Variants in SIK3 observed in about 807,000 individuals in gnomAD.
SIK3 encodes the protein SIK family kinase 3.
Under a neutral mutation model 144.2 loss-of-function variants are expected in SIK3, and 28 were observed. The ratio of observed to expected loss-of-function variants is 0.19; its 90% CI spans 0.14 to 0.27. SIK3 has a LOEUF of 0.27. SIK3 is among the 10% of genes least tolerant of loss of function. The pLI is 1.00. For missense variants in SIK3, 1,319 were observed against 1,776.0 expected (o/e 0.74, Z 4.62); for synonymous variants, 686 against 676.3 (o/e 1.01, Z -0.22).
chr11:116,868,292 A>G (rs1019185929), intron 14 of SIK3, among the ~76,000 whole-genome samples: 10 of 152,356 alleles, frequency 6.6e-5, no homozygotes, highest in Admixed American at 5.2e-4. Flanking sequence ...GAAGTGGCTG[A>G]ATTTTGAACC....
chr11:117,056,568 T>C (rs1316048444), intron 1 of SIK3, among the ~76,000 whole-genome samples: 1 of 131,660 alleles, frequency 7.6e-6, no homozygotes, highest in African/African-American at 3.5e-5. Flanking sequence ...GATATAGATA[T>C]AGATATAGAT....
intron 1 of SIK3, among the ~76,000 whole-genome samples, chr11:117,023,615 A>ATATATATATATATATAT (rs1555131677): frequency 9.6e-6 from 1 of 104,004 alleles, no homozygotes; most frequent in Non-Finnish European, 1.8e-5. Flanking sequence ...CAAACAAAAA[A>ATATATATATATATATAT]AAAAAAATAT....
At chr11:117,074,593 T>A (rs963797582) in intron 1 of SIK3, among the ~76,000 whole-genome samples, 17 of 152,220 alleles carry the variant, frequency 1.1e-4, no homozygotes, top group Middle Eastern at 3.2e-3. Flanking sequence ...CATATTTTTT[T>A]AAATCCTCTA....
intron 1 of SIK3, among the ~76,000 whole-genome samples, chr11:117,003,070 C>G (rs1276063822): frequency 1.3e-5 from 2 of 151,842 alleles, no homozygotes; most frequent in Non-Finnish European, 2.9e-5. Context: ...ATAGCCACCA[C>G]CAATAACAAC....
intron 6 of SIK3, among the ~76,000 whole-genome samples, chr11:116,879,602 G>C (rs1160549862): frequency 6.6e-6 from 1 of 152,072 alleles, no homozygotes; most frequent in African/African-American, 2.4e-5. Context: ...GTTGTGAAAA[G>C]AATACTACAA....
At chr11:116,856,796 T>C (rs913804744) in intron 21 of SIK3, 1 of 152,304 alleles carries the variant, frequency 6.6e-6, no homozygotes, top group African/African-American at 2.4e-5. Context: ...TACTGCTCTG[T>C]GCTGCAGGAC....
rs1943379554 is a variant in SIK3 at position 116,862,266 on chromosome 11, G to A, written c.2165C>T (p.Thr722Ile). The change falls in exon 17 of 25, where the codon ACC becomes ATC. Residue 722 changes from threonine to isoleucine, a missense_variant. This residue lies in a region of SIK3 where 77 missense variants were observed against 141.9 expected (regional missense o/e 0.54). Coordinates refer to ENST00000445177, the MANE Select transcript of SIK3 (RefSeq NM_001366686.3). ...CTGGTATAACATATGCTGCTGCTGG[G>A]TCTTCTCCAGGGTTCTTTCATCAAT... ...GQIDERTLEK[T>I]QQQHMLYQQE... The A allele has an allele frequency of 1.2e-6, 2 of 1,614,042 alleles. No individual in the cohort carries two copies. The highest frequency in any genetic ancestry group is 1.7e-5 in the Admixed American group (1 of 59,994).
chr11:117,035,163 G>C (rs1481417166), intron 1 of SIK3, among the ~76,000 whole-genome samples: 1 of 152,018 alleles, frequency 6.6e-6, no homozygotes, highest in Non-Finnish European at 1.5e-5. Flanking sequence ...CCATTTATCA[G>C]CAGTATAAAA....
intron 6 of SIK3, among the ~76,000 whole-genome samples, chr11:116,881,119 G>A (rs563661688): frequency 1.3e-3 from 199 of 151,818 alleles, no homozygotes; most frequent in African/African-American, 4.5e-3. Flanking sequence ...GCGAGACTCC[G>A]TCTCTAAAAA....
chr11:116,865,031 C>CA (rs1943555926), intron 15 of SIK3: 1 of 152,140 alleles, frequency 6.6e-6, no homozygotes, highest in South Asian at 2.1e-4. Context: ...TGAGCACGAA[C>CA]ATGTATTTGG....
intron 4 of SIK3, among the ~76,000 whole-genome samples, chr11:116,922,193 C>A (rs1015363868): frequency 1.3e-5 from 2 of 152,164 alleles, no homozygotes; most frequent in African/African-American, 4.8e-5. Context: ...TGATAGCTAG[C>A]TTTTTACAGT....
At chr11:117,015,676 G>A (rs1323302941) in intron 1 of SIK3, among the ~76,000 whole-genome samples, 1 of 152,074 alleles carries the variant, frequency 6.6e-6, no homozygotes, top group Non-Finnish European at 1.5e-5. Flanking sequence ...CTGGGTTCAA[G>A]TGATTCTCCT....
At chr11:116,953,988 T>G in intron 3 of SIK3, 56 bp downstream of exon 3, 2 of 1,419,384 alleles carry the variant, frequency 1.4e-6, no homozygotes, top group Non-Finnish European at 2.0e-6. Flanking sequence ...ACAGCTATTT[T>G]AGGTTTGCCA....
At chr11:116,977,729 G>C (rs1167823758) in intron 1 of SIK3, among the ~76,000 whole-genome samples, 1 of 152,160 alleles carries the variant, frequency 6.6e-6, no homozygotes, top group Non-Finnish European at 1.5e-5. Context: ...AAGACAGGTA[G>C]AATAAAAGGC....
intron 4 of SIK3, among the ~76,000 whole-genome samples, chr11:116,917,227 C>T (rs1438690889): frequency 6.6e-6 from 1 of 152,116 alleles, no homozygotes; most frequent in Non-Finnish European, 1.5e-5. Flanking sequence ...ATTTGAGGAG[C>T]TTACGATCCT....
intron 1 of SIK3, among the ~76,000 whole-genome samples, chr11:117,023,621 A>AAAAAAT (rs754624841): frequency 1.5e-3 from 143 of 95,004 alleles, no homozygotes; most frequent in Non-Finnish European, 2.3e-3. Context: ...AAAAAAAAAA[A>AAAAAAT]ATATATATAT....
At position 116,844,647 on chromosome 11, in the gene SIK3, T is replaced by TATAA. The variant is rs1565345789; in HGVS notation, c.*995_*996insTTAT. ...TATATATAATATATTATATTATATA[T>TATAA]TATATATATAATATATATATACACA... is the stretch of plus-strand genomic sequence containing the variant. On this transcript the variant is annotated 3_prime_UTR_variant, in exon 25 of 25. Coordinates refer to ENST00000445177, the MANE Select transcript of SIK3 (RefSeq NM_001366686.3). The TATAA allele has an allele frequency of 1.7e-4, 19 of 109,504 alleles. No individual in the cohort carries two copies. The highest frequency in any genetic ancestry group is 4.6e-4 in the African/African-American group (13 of 28,344). 6.8% of individuals were successfully genotyped at this position (109,504 alleles called of 1,614,324 possible). A position where few individuals can be genotyped will look rare whatever the true frequency, so the allele number is the denominator to read the frequency against.
intron 1 of SIK3, among the ~76,000 whole-genome samples, chr11:117,008,075 CAAAAAAAAAAAAAAAAA>C (rs59486431): frequency 3.7e-5 from 2 of 54,666 alleles, no homozygotes; most frequent in Non-Finnish European, 6.4e-5. Context: ...GACTCCATCT[CAAAAAAAAAAAAAAAAA>C]AAAAAAAAAA....
chr11:116,847,441 C>A (rs764718140), intron 23 of SIK3, 35 bp downstream of exon 23: 17 of 1,613,198 alleles, frequency 1.1e-5, no homozygotes, highest in Non-Finnish European at 1.4e-5. Flanking sequence ...CCTCCAGGAA[C>A]TTCTCTGGAG....
Sources: allele counts gnomAD v4.1 joint callset (sites outside exome capture counted in the v4.1 genomes callset), GRCh38; gene constraint gnomAD v4.1.1; regional missense constraint gnomAD v4.1.1; transcripts MANE v1.5; gene names NCBI Gene and HGNC (gene_info 2026-07-23, HGNC 2026-07-21).